The following PTPRD variants were observed in gnomAD, a reference collection of about 807,000 sequenced individuals.
PTPRD encodes the protein protein tyrosine phosphatase receptor type D, also known as receptor-type tyrosine-protein phosphatase delta.
Under a neutral mutation model 214.5 loss-of-function variants are expected in PTPRD, and 34 were observed. The observed-to-expected ratio is 0.16, with a 90% CI of 0.12 to 0.21. The LOEUF (loss-of-function observed/expected upper bound fraction) is 0.21. PTPRD is among the 10% of genes least tolerant of loss of function. PTPRD has a pLI of 1.00. For missense variants in PTPRD, 2,545 were observed against 2,398.7 expected, an observed-to-expected ratio of 1.06 and a Z score of -1.27; for synonymous variants, 1,128 against 845.7, an observed-to-expected ratio of 1.33 and a Z score of -5.79.
chr9:9,645,875 G>C (rs1394938910), intron 7 of PTPRD, among the ~76,000 whole-genome samples: 1 of 151,994 alleles, frequency 6.6e-6, no homozygotes, highest in Non-Finnish European at 1.5e-5. Flanking sequence ...ATTTCCTAAA[G>C]CATTTCAAAA....
At chr9:10,105,956 G>C (rs1367554510) in intron 3 of PTPRD, among the ~76,000 whole-genome samples, 2 of 146,980 alleles carry the variant, frequency 1.4e-5, no homozygotes, top group Non-Finnish European at 3.0e-5. Context: ...ATCACCAAGG[G>C]GATGAATGCC....
chr9:10,441,246 A>G (rs2098756402), intron 2 of PTPRD, among the ~76,000 whole-genome samples: 1 of 151,706 alleles, frequency 6.6e-6, no homozygotes, highest in African/African-American at 2.4e-5. Flanking sequence ...ATAAAAGCTC[A>G]TATATTGGAG....
At chr9:10,169,858 T>C (rs1413090646) in intron 3 of PTPRD, among the ~76,000 whole-genome samples, 1 of 152,198 alleles carries the variant, frequency 6.6e-6, no homozygotes, top group Non-Finnish European at 1.5e-5. Context: ...TCCATGCTAG[T>C]ATGCTCAATA....
At chr9:10,055,676 T>C (rs1230280583) in intron 3 of PTPRD, among the ~76,000 whole-genome samples, 3 of 152,038 alleles carry the variant, frequency 2.0e-5, no homozygotes, top group Non-Finnish European at 2.9e-5. Context: ...AGTATGTGTA[T>C]ATATACTGAA....
intron 9 of PTPRD, among the ~76,000 whole-genome samples, chr9:9,221,771 C>A (rs774908283): frequency 1.3e-5 from 2 of 151,990 alleles, no homozygotes; most frequent in South Asian, 4.1e-4. Context: ...TAGCAACAAC[C>A]AAAACCTGTT....
intron 45 of PTPRD, among the ~76,000 whole-genome samples, chr9:8,318,263 C>G (rs1239092936): frequency 6.6e-6 from 1 of 151,988 alleles, no homozygotes; most frequent in Non-Finnish European, 1.5e-5. Context: ...AACACATAAA[C>G]TTCTTACATG....
chr9:10,549,086 CA>C (rs2060756481), intron 2 of PTPRD, among the ~76,000 whole-genome samples: 1 of 152,102 alleles, frequency 6.6e-6, no homozygotes, highest in Non-Finnish European at 1.5e-5. Context: ...TTAATTACAT[CA>C]ACTTATAGAC....
intron 25 of PTPRD, among the ~76,000 whole-genome samples, chr9:8,498,001 T>C (rs906672147): frequency 6.6e-6 from 1 of 152,236 alleles, no homozygotes. Context: ...TATACTACGA[T>C]AACTTTCTTT....
At chr9:9,833,306 G>A (rs1255064270) in intron 5 of PTPRD, among the ~76,000 whole-genome samples, 2 of 151,926 alleles carry the variant, frequency 1.3e-5, no homozygotes, top group African/African-American at 4.8e-5. Context: ...ACATTGGTAG[G>A]ATCCGTGATG....
intron 4 of PTPRD, among the ~76,000 whole-genome samples, chr9:10,007,634 T>C (rs1449904854): frequency 1.3e-5 from 2 of 151,938 alleles, no homozygotes; most frequent in Non-Finnish European, 2.9e-5. Flanking sequence ...AAAATTGTTC[T>C]TTTGAGAGAA....
chr9:9,089,441 A>C (rs949188632), intron 10 of PTPRD, among the ~76,000 whole-genome samples: 2 of 152,200 alleles, frequency 1.3e-5, no homozygotes, highest in Non-Finnish European at 2.9e-5. Context: ...ACGAATATTA[A>C]TATTTGATCT....
intron 2 of PTPRD, among the ~76,000 whole-genome samples, chr9:10,472,119 T>A (rs367759612): frequency 1.1e-4 from 17 of 152,250 alleles, no homozygotes; most frequent in Admixed American, 9.8e-4. Context: ...TAAAATTATA[T>A]GAAAATTTTA....
chr9:8,744,868 C>G (rs2092612097), intron 11 of PTPRD, among the ~76,000 whole-genome samples: 1 of 152,164 alleles, frequency 6.6e-6, no homozygotes, highest in Non-Finnish European at 1.5e-5. Flanking sequence ...CCACATCTCT[C>G]TAAGATACTA....
intron 3 of PTPRD, among the ~76,000 whole-genome samples, chr9:10,208,261 T>C (rs1396374018): frequency 3.3e-5 from 5 of 152,208 alleles, no homozygotes; most frequent in African/African-American, 1.2e-4. Flanking sequence ...AGGCCCGTAA[T>C]CCCAGCACTT....
At chr9:9,464,567 T>G (rs1343950426) in intron 8 of PTPRD, among the ~76,000 whole-genome samples, 1 of 152,136 alleles carries the variant, frequency 6.6e-6, no homozygotes, top group South Asian at 2.1e-4. Context: ...TTTAGTGGTA[T>G]GTTTTATTGC....
At chr9:8,889,539 T>C (rs1406148627) in intron 11 of PTPRD, among the ~76,000 whole-genome samples, 2 of 152,174 alleles carry the variant, frequency 1.3e-5, no homozygotes, top group Non-Finnish European at 2.9e-5. Flanking sequence ...AGTGATGATT[T>C]TGGAGACTTT....
chr9:10,148,448 C>T (rs1228495753), intron 3 of PTPRD, among the ~76,000 whole-genome samples: 1 of 152,090 alleles, frequency 6.6e-6, no homozygotes, highest in African/African-American at 2.4e-5. Context: ...AATAGAACTT[C>T]ATCTCTTCAA....
At chr9:9,468,010 G>A (rs1051284867) in intron 8 of PTPRD, among the ~76,000 whole-genome samples, 2 of 151,998 alleles carry the variant, frequency 1.3e-5, no homozygotes, top group Non-Finnish European at 2.9e-5. Flanking sequence ...CTTGAATAGT[G>A]ATTTAGGAAC....
chr9:8,423,290 G>C (rs12685058), intron 35 of PTPRD, among the ~76,000 whole-genome samples: 25,854 of 152,028 alleles, frequency 0.17, 2,580 homozygotes, highest in Non-Finnish European at 0.22. Context: ...CTAAAAGCTG[G>C]AGCAAAAGCA....
Sources: allele counts gnomAD v4.1 joint callset (sites outside exome capture counted in the v4.1 genomes callset), GRCh38; gene constraint gnomAD v4.1.1; transcripts MANE v1.5; gene names NCBI Gene and HGNC (gene_info 2026-07-23, HGNC 2026-07-21).